GULP1: variants seen among roughly 807,000 people sequenced by gnomAD.
GULP1 encodes PTB domain-containing engulfment adapter protein 1.
Under a neutral mutation model 40.9 loss-of-function variants are expected in GULP1, and 19 were observed. The ratio of observed to expected loss-of-function variants is 0.46; its 90% CI spans 0.32 to 0.68. The LOEUF (loss-of-function observed/expected upper bound fraction) is 0.68. Ranked by LOEUF, GULP1 falls within the 30% of genes least tolerant of loss-of-function variation. GULP1 has a pLI of 0.03. For synonymous variants in GULP1, 119 were observed against 117.6 expected, an observed-to-expected ratio of 1.01 and a Z score of -0.08; for missense variants, 312 against 362.2, an observed-to-expected ratio of 0.86 and a Z score of 1.12.
chr2:188,473,155 T>TTCTC lies in GULP1; in HGVS notation c.-44-4484_-44-4481dup, dbSNP rs147222438. 7.7e-4 allele frequency among the ~76,000 whole-genome samples: 93 copies of TTCTC among 120,916 alleles called. 2 individuals carry two copies. Among genetic ancestry groups the TTCTC allele is most frequent in the African/African-American group, 1.2e-3 (23 of 19,704 alleles). The allele number at this position is 120,916 out of a possible 152,430, so 79.3% of individuals were successfully genotyped here. A position where few individuals can be genotyped will look rare whatever the true frequency, so the allele number is the denominator to read the frequency against. ...TCTTTCAAACAAATGGGGTCTCTCTTTCTCTCTCTCTCTCTCTCTCTCTGT... is the reference window on the plus strand; with the variant it reads ...TCTTTCAAACAAATGGGGTCTCTCTTTCTCTCTCTCTCTCTCTCTCTCTCTCTGT... On this transcript the variant is annotated intron_variant, in intron 2 of 11. Coordinates refer to ENST00000409830, the MANE Select transcript of GULP1 (RefSeq NM_016315.4).
chr2:188,459,985 G>T (rs1423310960), intron 2 of GULP1, among the ~76,000 whole-genome samples: 1 of 151,928 alleles, frequency 6.6e-6, no homozygotes, highest in East Asian at 1.9e-4. Flanking sequence ...ATTCTCTATT[G>T]TGTTTCATTG....
At chr2:188,416,883 T>C (rs1018166713) in intron 2 of GULP1, among the ~76,000 whole-genome samples, 7 of 152,238 alleles carry the variant, frequency 4.6e-5, no homozygotes, top group Non-Finnish European at 7.3e-5. Flanking sequence ...TAGTAGACTG[T>C]ATTCATTCTG....
Position 188,518,383 on chromosome 2 carries a change from C to T in GULP1, c.91-4373C>T, listed in dbSNP as rs982990816. 2.0e-5 allele frequency among the ~76,000 whole-genome samples: 3 copies of T among 152,104 alleles called. No homozygotes were observed. The South Asian group carries it at 6.2e-4, about 32-fold the overall frequency. On this transcript the variant is annotated intron_variant, in intron 4 of 11. Coordinates refer to ENST00000409830, the MANE Select transcript of GULP1 (RefSeq NM_016315.4). ...ACATTATACCTTAGCGTTTACCTCA[C>T]CTCCAAACAAATAAGCTGGGCTTTT...
At chr2:188,446,879 A>C (rs895263469) in intron 2 of GULP1, among the ~76,000 whole-genome samples, 1 of 152,210 alleles carries the variant, frequency 6.6e-6, no homozygotes, top group Non-Finnish European at 1.5e-5. Context: ...AAGTGTCAAC[A>C]AAAAGAGTCA....
intron 7 of GULP1, among the ~76,000 whole-genome samples, chr2:188,545,272 G>A (rs1002029512): frequency 6.6e-6 from 1 of 151,208 alleles, no homozygotes; most frequent in African/African-American, 2.4e-5. Context: ...TACAAAATGG[G>A]AACTTGGAGT....
chr2:188,540,510 C>T (rs141515483), intron 6 of GULP1, among the ~76,000 whole-genome samples: 556 of 151,718 alleles, frequency 3.7e-3, no homozygotes, highest in Non-Finnish European at 6.1e-3. Context: ...TTGTCTTCTA[C>T]TGATGAATAG....
At chr2:188,455,799 A>G (rs1278853075) in intron 2 of GULP1, among the ~76,000 whole-genome samples, 1 of 152,204 alleles carries the variant, frequency 6.6e-6, no homozygotes, top group East Asian at 1.9e-4. Context: ...AGACAGGAAA[A>G]TGTGGGAAAG....
intron 4 of GULP1, among the ~76,000 whole-genome samples, chr2:188,499,563 G>C (rs1015935296): frequency 6.6e-6 from 1 of 151,702 alleles, no homozygotes; most frequent in East Asian, 1.9e-4. Context: ...TTCCAGGGAA[G>C]TAGTCAGAAC....
At chr2:188,478,500 A>C (rs754498569) in intron 3 of GULP1, among the ~76,000 whole-genome samples, 3 of 152,094 alleles carry the variant, frequency 2.0e-5, no homozygotes, top group Non-Finnish European at 4.4e-5. Context: ...AGAATGCTTA[A>C]ATAATGATAA....
chr2:188,305,309 G>A (rs2036863119), intron 1 of GULP1, among the ~76,000 whole-genome samples: 1 of 152,220 alleles, frequency 6.6e-6, no homozygotes, highest in Non-Finnish European at 1.5e-5. Flanking sequence ...CCAGAAGGAT[G>A]CTCTCTGAAC....
At chr2:188,578,119 T>G (rs919093317) in intron 9 of GULP1, among the ~76,000 whole-genome samples, 4 of 152,178 alleles carry the variant, frequency 2.6e-5, no homozygotes, top group Admixed American at 2.6e-4. Flanking sequence ...AGTCTTTGGA[T>G]ATTTTTATTG....
At chr2:188,529,056 G>C (rs1686895246) in intron 5 of GULP1, 41 bp from the exon 6 acceptor site, 2 of 878,298 alleles carry the variant, frequency 2.3e-6, no homozygotes, top group Non-Finnish European at 3.7e-6. Flanking sequence ...ATTCTTTATA[G>C]AAATAGAAGT....
chr2:188,373,457 A>G (rs2047881532), intron 1 of GULP1, among the ~76,000 whole-genome samples: 1 of 151,998 alleles, frequency 6.6e-6, no homozygotes, highest in African/African-American at 2.4e-5. Flanking sequence ...TTGTAGACCC[A>G]GGCATCTGAT....
chr2:188,399,142 T>C (rs1039750808), intron 2 of GULP1, among the ~76,000 whole-genome samples: 2 of 152,180 alleles, frequency 1.3e-5, no homozygotes, highest in African/African-American at 4.8e-5. Context: ...GTTCTGTCTG[T>C]TTAAACAAAA....
chr2:188,577,224 T>A (rs1291925185), intron 9 of GULP1, among the ~76,000 whole-genome samples: 4 of 152,086 alleles, frequency 2.6e-5, no homozygotes. Context: ...AATTATTTCT[T>A]TACATAATCA....
intron 4 of GULP1, among the ~76,000 whole-genome samples, chr2:188,499,969 A>G (rs1156754200): frequency 6.6e-6 from 1 of 151,816 alleles, no homozygotes; most frequent in Non-Finnish European, 1.5e-5. Context: ...TTTTAAAAAA[A>G]TATATATTTA....
chr2:188,526,608 A>T (rs1321021537), intron 5 of GULP1, among the ~76,000 whole-genome samples: 1 of 152,060 alleles, frequency 6.6e-6, no homozygotes, highest in Non-Finnish European at 1.5e-5. Context: ...GAAAAAAAAG[A>T]AAGGCAGGAA....
intron 1 of GULP1, among the ~76,000 whole-genome samples, chr2:188,354,252 G>T (rs2044940741): frequency 6.6e-6 from 1 of 152,100 alleles, no homozygotes; most frequent in Non-Finnish European, 1.5e-5. Context: ...ATCCCCCCAG[G>T]ATCTAAGTTG....
intron 1 of GULP1, among the ~76,000 whole-genome samples, chr2:188,301,780 A>G (rs1017797350): frequency 6.6e-6 from 1 of 152,182 alleles, no homozygotes; most frequent in Non-Finnish European, 1.5e-5. Flanking sequence ...GGCTTTTGAT[A>G]TTTGTCCTAT....
Sources: allele counts gnomAD v4.1 joint callset (sites outside exome capture counted in the v4.1 genomes callset), GRCh38; gene constraint gnomAD v4.1.1; transcripts MANE v1.5; gene names NCBI Gene and HGNC (gene_info 2026-07-23, HGNC 2026-07-21).